Variants in SGIP1 observed in about 807,000 individuals in gnomAD.
The protein encoded by SGIP1 is SH3-containing GRB2-like protein 3-interacting protein 1.
SGIP1 carries 38 observed loss-of-function variants against 107.5 expected under a neutral mutation model. The observed-to-expected ratio is 0.35, with a 90% confidence interval of 0.27 to 0.46. The LOEUF is 0.46. SGIP1 is among the 20% of genes least tolerant of loss of function. The pLI is 1.00. For missense variants in SGIP1, 929 were observed against 1,019.5 expected (o/e 0.91, Z 1.21); for synonymous variants, 365 against 366.1 (o/e 1.00, Z 0.03).
Position 66,641,742 on chromosome 1 carries a change from T to C in SGIP1, c.229-1068T>C, listed in dbSNP as rs140081834. ...TCATTCTAATCCCAACAATGCAAAC[T>C]GCCTTTTTATGTTTTCAGCTTCTTT... is the stretch of plus-strand genomic sequence containing the variant. On this transcript the variant is annotated intron_variant, in intron 5 of 24. Transcript: ENST00000371037. 2.6e-3 allele frequency among the ~76,000 whole-genome samples: 398 copies of C among 152,276 alleles called. 3 individuals carry two copies. The highest frequency in any genetic ancestry group is 9.1e-3 in the African/African-American group (380 of 41,562).
intron 2 of SGIP1, 143 bp downstream of exon 2, chr1:66,626,053 C>A: frequency 3.5e-5 from 14 of 404,590 alleles, no homozygotes; most frequent in Admixed American, 4.5e-5. Context: ...TGTAATTATT[C>A]AATATAAACA....
chr1:66,610,201 A>G (rs1262127230), intron 1 of SGIP1, among the ~76,000 whole-genome samples: 1 of 152,224 alleles, frequency 6.6e-6, no homozygotes, highest in Non-Finnish European at 1.5e-5. Flanking sequence ...CCATACTCAG[A>G]AAAACTAAAG....
At chr1:66,579,576 G>A (rs1450315596) in intron 1 of SGIP1, among the ~76,000 whole-genome samples, 4 of 152,060 alleles carry the variant, frequency 2.6e-5, no homozygotes, top group East Asian at 1.9e-4. Flanking sequence ...CACATTATTC[G>A]GATTCAATCT....
At chr1:66,714,440 G>A (rs2150376265) in intron 18 of SGIP1, among the ~76,000 whole-genome samples, 1 of 152,144 alleles carries the variant, frequency 6.6e-6, no homozygotes, top group Admixed American at 6.6e-5. Context: ...CCTCTTGTTG[G>A]CATACATTAT....
intron 7 of SGIP1, among the ~76,000 whole-genome samples, chr1:66,653,787 T>C (rs1454390759): frequency 6.6e-6 from 1 of 152,260 alleles, no homozygotes. Flanking sequence ...CAAAAAACGC[T>C]AACTTTTATA....
chr1:66,739,000 A>C (rs559560484), intron 21 of SGIP1, among the ~76,000 whole-genome samples: 2 of 152,194 alleles, frequency 1.3e-5, no homozygotes, highest in South Asian at 4.1e-4. Context: ...CTTGTCCAAG[A>C]TCACTCAGCT....
chr1:66,721,136 G>A (rs1321469677), intron 19 of SGIP1, among the ~76,000 whole-genome samples: 1 of 152,128 alleles, frequency 6.6e-6, no homozygotes, highest in Non-Finnish European at 1.5e-5. Context: ...AAAACAGAAA[G>A]GCCATTTGCC....
chr1:66,741,562 AT>A, intron 24 of SGIP1, 126 bp downstream of exon 24: 1 of 953,826 alleles, frequency 1.0e-6, no homozygotes, highest in Non-Finnish European at 1.5e-6. Context: ...CCCCATCCCA[AT>A]TAGAAAACCA....
At chr1:66,619,512 C>T (rs908308126) in intron 1 of SGIP1, among the ~76,000 whole-genome samples, 1 of 152,224 alleles carries the variant, frequency 6.6e-6, no homozygotes, top group Admixed American at 6.5e-5. Context: ...TTTAAGTTAG[C>T]TTGGGTGATA....
chr1:66,631,667 TTCTCTCTCTCTCTTTCTC>T lies in SGIP1; in HGVS notation c.75-1389_75-1372del, dbSNP rs1423123362. 3.2e-3 allele frequency among the ~76,000 whole-genome samples: 304 copies of T among 95,232 alleles called. 2 individuals carry two copies. Among genetic ancestry groups the T allele is most frequent in the African/African-American group, 0.01 (280 of 27,546 alleles). 62.5% of individuals were successfully genotyped at this position (95,232 alleles called of 152,430 possible). A position where few individuals can be genotyped will look rare whatever the true frequency, so the allele number is the denominator to read the frequency against. ...TCTCTGCATTGCTCTCTCTCTCTCT[TTCTCTCTCTCTCTTTCTC>T]TCTCTCTCTCTCTCTCTCTCTCTCT... is the stretch of plus-strand genomic sequence containing the variant. On this transcript the variant is annotated intron_variant, in intron 2 of 24. Coordinates refer to ENST00000371037, the MANE Select transcript of SGIP1 (RefSeq NM_032291.4).
At chr1:66,627,674 C>A (rs1373862022) in intron 2 of SGIP1, among the ~76,000 whole-genome samples, 1 of 152,076 alleles carries the variant, frequency 6.6e-6, no homozygotes, top group Non-Finnish European at 1.5e-5. Flanking sequence ...TGTTGTCCTG[C>A]AAATTTTTCT....
intron 9 of SGIP1, 63 bp from the exon 10 acceptor site, chr1:66,670,932 A>G (rs2083631609): frequency 1.3e-6 from 1 of 769,708 alleles, no homozygotes; most frequent in South Asian, 3.5e-5. Context: ...TGACAGAAAT[A>G]ATACATATTG....
chr1:66,603,652 G>T (rs960578721), intron 1 of SGIP1, among the ~76,000 whole-genome samples: 1 of 152,090 alleles, frequency 6.6e-6, no homozygotes, highest in African/African-American at 2.4e-5. Flanking sequence ...AAATTCTCAG[G>T]GTAGAAAGCC....
At chr1:66,629,574 G>A (rs2073786913) in intron 2 of SGIP1, among the ~76,000 whole-genome samples, 1 of 150,856 alleles carries the variant, frequency 6.6e-6, no homozygotes, top group Admixed American at 6.6e-5. Flanking sequence ...AGATAGGAGG[G>A]TAAAAAAAAA....
intron 1 of SGIP1, among the ~76,000 whole-genome samples, chr1:66,547,785 A>G (rs534433145): frequency 6.6e-6 from 1 of 152,308 alleles, no homozygotes; most frequent in South Asian, 2.1e-4. Flanking sequence ...AATCAGTGAA[A>G]GAGGCAAAAT....
intron 1 of SGIP1, among the ~76,000 whole-genome samples, chr1:66,566,682 T>C (rs2148529306): frequency 6.6e-6 from 1 of 152,110 alleles, no homozygotes; most frequent in African/African-American, 2.4e-5. Context: ...CTTCCTCAGA[T>C]GCATTTACTC....
At chr1:66,570,874 C>A (rs1441848174) in intron 1 of SGIP1, among the ~76,000 whole-genome samples, 1 of 151,908 alleles carries the variant, frequency 6.6e-6, no homozygotes, top group Non-Finnish European at 1.5e-5. Flanking sequence ...TGTCTCAGGT[C>A]ATATCCACTT....
chr1:66,612,665 G>A (rs1321252640), intron 1 of SGIP1, among the ~76,000 whole-genome samples: 1 of 152,132 alleles, frequency 6.6e-6, no homozygotes, highest in Non-Finnish European at 1.5e-5. Flanking sequence ...TGTGAAGAAG[G>A]CATAGAATGT....
At chr1:66,597,508 A>G (rs2064951029) in intron 1 of SGIP1, among the ~76,000 whole-genome samples, 2 of 152,172 alleles carry the variant, frequency 1.3e-5, no homozygotes, top group South Asian at 4.1e-4. Flanking sequence ...CTGCAGTACT[A>G]TATATTTTCA....
Sources: allele counts gnomAD v4.1 joint callset (sites outside exome capture counted in the v4.1 genomes callset), GRCh38; gene constraint gnomAD v4.1.1; transcripts MANE v1.5; gene names NCBI Gene and HGNC (gene_info 2026-07-23, HGNC 2026-07-21).